Variants in BMAL1 observed in about 807,000 individuals in gnomAD.
The protein encoded by BMAL1 is basic helix-loop-helix ARNT-like protein 1.
At chr11:13,302,418 G>C in the BMAL1 span, among the ~76,000 whole-genome samples, 1 of 152,154 alleles carries the variant, frequency 6.6e-6, no homozygotes, top group Non-Finnish European at 1.5e-5. Context: ...TGACAGAGGG[G>C]GCAGGTGAGA....
chr11:13,354,750 C>T, the BMAL1 span: 15 of 327,350 alleles, frequency 4.6e-5, no homozygotes, highest in Non-Finnish European at 6.9e-5. Flanking sequence ...CGTCTTCTTT[C>T]TTTGCTCCTT....
At chr11:13,355,202 C>T in the BMAL1 span, 3 of 1,610,010 alleles carry the variant, frequency 1.9e-6, no homozygotes, top group Non-Finnish European at 2.5e-6. Context: ...ATACCCCCTA[C>T]AGCAGATGTC....
At chr11:13,288,585 A>C in the BMAL1 span, among the ~76,000 whole-genome samples, 2 of 151,824 alleles carry the variant, frequency 1.3e-5, no homozygotes, top group African/African-American at 4.8e-5. Flanking sequence ...AGAGACTGCT[A>C]GGCAATGGAT....
chr11:13,355,376 A>T, the BMAL1 span: 1 of 1,355,506 alleles, frequency 7.4e-7, no homozygotes, highest in Non-Finnish European at 1.1e-6. Flanking sequence ...GCGTTCTTCC[A>T]TAGCAGTAAC....
chr11:13,292,207 A>G, the BMAL1 span, among the ~76,000 whole-genome samples: 1 of 152,082 alleles, frequency 6.6e-6, no homozygotes, highest in Non-Finnish European at 1.5e-5. Flanking sequence ...AAAGTTTTCC[A>G]CAAAAGACAA....
At chr11:13,318,553 T>G in the BMAL1 span, among the ~76,000 whole-genome samples, 3 of 148,666 alleles carry the variant, frequency 2.0e-5, no homozygotes, top group South Asian at 2.1e-4. Flanking sequence ...AGTTTTTTTT[T>G]TTTTTTTTTT....
the BMAL1 span, among the ~76,000 whole-genome samples, chr11:13,322,699 A>G: frequency 6.8e-6 from 1 of 147,284 alleles, no homozygotes. Context: ...GGTATGCAGT[A>G]GATGCTGTGG....
chr11:13,384,112 CTT>C, the BMAL1 span, among the ~76,000 whole-genome samples: 1 of 151,264 alleles, frequency 6.6e-6, no homozygotes, highest in South Asian at 2.1e-4. Flanking sequence ...ATTTAGAATA[CTT>C]TTTTTTTGGA....
the BMAL1 span, among the ~76,000 whole-genome samples, chr11:13,384,233 GCTA>G: frequency 6.6e-6 from 1 of 152,106 alleles, no homozygotes; most frequent in Admixed American, 6.5e-5. Flanking sequence ...ACTTGTCTCT[GCTA>G]CTTTGACCTT....
chr11:13,380,970 C>G, the BMAL1 span: 1 of 555,228 alleles, frequency 1.8e-6, no homozygotes, highest in East Asian at 2.9e-5. Flanking sequence ...TGCTTTCAAG[C>G]TGCAGAGGCA....
chr11:13,371,791 C>T, the BMAL1 span, among the ~76,000 whole-genome samples: 3 of 152,308 alleles, frequency 2.0e-5, no homozygotes, highest in South Asian at 2.1e-4. Context: ...TAGGCTGTGC[C>T]TCTGTGCCTG....
At chr11:13,315,226 A>G in the BMAL1 span, among the ~76,000 whole-genome samples, 1 of 152,080 alleles carries the variant, frequency 6.6e-6, no homozygotes, top group Non-Finnish European at 1.5e-5. Flanking sequence ...GGGACTTTCC[A>G]TATGCTGTTC....
the BMAL1 span, among the ~76,000 whole-genome samples, chr11:13,301,227 G>A: frequency 1.3e-5 from 2 of 152,172 alleles, no homozygotes; most frequent in African/African-American, 2.4e-5. Flanking sequence ...GAGCCACTGC[G>A]CCTGGTCTGT....
At chr11:13,354,624 G>C in the BMAL1 span, 1 of 790,244 alleles carries the variant, frequency 1.3e-6, no homozygotes, top group Non-Finnish European at 1.9e-6. Flanking sequence ...TTGTAAGCAA[G>C]AAGGAGCCTT....
chr11:13,350,557 G>C, the BMAL1 span, among the ~76,000 whole-genome samples: 7 of 152,258 alleles, frequency 4.6e-5, no homozygotes, highest in African/African-American at 1.7e-4. Context: ...GAAATAACTA[G>C]ATCAGAGGAA....
At chr11:13,363,344 C>T in the BMAL1 span, among the ~76,000 whole-genome samples, 1 of 152,038 alleles carries the variant, frequency 6.6e-6, no homozygotes, top group Admixed American at 6.6e-5. Flanking sequence ...GCTATCTCAG[C>T]TAAATACTTC....
the BMAL1 span, among the ~76,000 whole-genome samples, chr11:13,302,068 T>C: frequency 6.6e-6 from 1 of 151,572 alleles, no homozygotes; most frequent in Admixed American, 6.6e-5. Context: ...AATGCAGAGG[T>C]GGAAAAGAGA....
At chr11:13,318,544 GTTTTTTTT>G in the BMAL1 span, among the ~76,000 whole-genome samples, 6 of 49,320 alleles carry the variant, frequency 1.2e-4, no homozygotes, top group Non-Finnish European at 2.2e-4. Context: ...AAGACACTTA[GTTTTTTTT>G]TTTTTTTTTT....
chr11:13,300,970 G>A, the BMAL1 span, among the ~76,000 whole-genome samples: 8 of 152,200 alleles, frequency 5.3e-5, no homozygotes, highest in Admixed American at 1.3e-4. Flanking sequence ...ATGGAGTCTC[G>A]TTCTGTCACC....
Sources: allele counts gnomAD v4.1 joint callset (sites outside exome capture counted in the v4.1 genomes callset), GRCh38; gene constraint gnomAD v4.1.1; transcripts MANE v1.5; gene names NCBI Gene and HGNC (gene_info 2026-07-23, HGNC 2026-07-21).